ETNK2: variants seen among roughly 807,000 people sequenced by gnomAD.
ETNK2 encodes ethanolamine kinase 2, also known as ethanolamine kinase-like protein.
Under a neutral mutation model 46.2 loss-of-function variants are expected in ETNK2, and 33 were observed. That is an observed-to-expected ratio of 0.71 (90% CI 0.54 to 0.96). The LOEUF is 0.96. ETNK2 is among the 40% of genes least tolerant of loss of function. ETNK2 has a pLI of 0.00. For synonymous variants in ETNK2, 194 were observed against 209.0 expected (o/e 0.93, Z 0.62); for missense variants, 445 against 509.7 (o/e 0.87, Z 1.22).
Position 204,132,269 on chromosome 1 carries a change from C to G in ETNK2, c.1089-13G>C, listed in dbSNP as rs748524364. The stretch of plus-strand genomic sequence containing the variant: ...GATCACTGCGTACCTGTGGGGAAGA[C>G]AGAAGGAAGCTGGGTGTGAGGAAGA... On this transcript the variant is annotated splice_polypyrimidine_tract_variant and intron_variant, in intron 7 of 7. Transcript: ENST00000367202. The G allele has an allele frequency of 3.2e-6, 5 of 1,562,162 alleles. No homozygotes were observed. The African/African-American group carries it at 5.4e-5, about 17-fold the overall frequency.
In ETNK2 at chr1:204,151,727, C is replaced by G. The variant is rs1658012933; in HGVS notation, c.126G>C (p.Pro42=). The G allele has an allele frequency of 5.2e-6, 8 of 1,536,816 alleles. No homozygotes were observed. Among genetic ancestry groups the G allele is most frequent in the South Asian group, 2.4e-5 (2 of 82,696 alleles). The part of the protein sequence containing the change: ...KAAASASCRE[P]PGPPRAAAVA... Reference sequence around the variant, plus strand: ...CGGCGGCGGCCCTCGGGGGGCCCGGCGGCTCCCGGCAGCTGGCGCTGGCCG... The same window carrying G: ...CGGCGGCGGCCCTCGGGGGGCCCGGGGGCTCCCGGCAGCTGGCGCTGGCCG... Residue 42 remains proline, a synonymous_variant, in exon 1 of 8, where the codon CCG becomes CCC. Transcript: ENST00000367202. This position sits in a 1 kb window ranked among gnomAD's most constrained non-coding sequence, Gnocchi z 8.0.
chr1:204,133,632 C>T (rs1301644997), intron 7 of ETNK2, among the ~76,000 whole-genome samples: 3 of 151,322 alleles, frequency 2.0e-5, no homozygotes, highest in Non-Finnish European at 3.0e-5. Context: ...CCCGGGTTCA[C>T]GCCATTCTCC....
Position 204,141,315 on chromosome 1 carries a change from C to T in ETNK2, c.784G>A (p.Gly262Ser). 6.2e-7 allele frequency: 1 copy of T among 1,614,054 alleles called. No homozygotes were observed. The highest frequency in any genetic ancestry group is 8.5e-7 in the Non-Finnish European group (1 of 1,179,900). Residue 262 changes from glycine (G) to serine (S), a missense_variant and splice_region_variant, in exon 4 of 8, where the codon GGT becomes AGT. Gly to Ser is a moderately conservative substitution (Grantham distance 56, BLOSUM62 0). Transcript: ENST00000367202. ...TGCCCCAGGGCCAGAGAAGCCATACCTTTGATGCTGTCATAGATGATATTC... is the reference window on the plus strand; with the variant it reads ...TGCCCCAGGGCCAGAGAAGCCATACTTTTGATGCTGTCATAGATGATATTC... Reference protein sequence around the residue: ...CKNIIYDSIKGHVRFIDYEYA... With the variant: ...CKNIIYDSIKSHVRFIDYEYA...
intron 7 of ETNK2, among the ~76,000 whole-genome samples, chr1:204,133,591 G>A (rs1420173370): frequency 1.3e-5 from 2 of 150,824 alleles, no homozygotes; most frequent in Non-Finnish European, 1.5e-5. Context: ...GAGTGCAGTG[G>A]CGGGATCTCG....
intron 6 of ETNK2, 50 bp from the exon 7 acceptor site, chr1:204,134,638 T>C (rs1387856612): frequency 6.2e-7 from 1 of 1,614,010 alleles, no homozygotes; most frequent in Non-Finnish European, 8.5e-7. Context: ...CATGCCTGTT[T>C]CCGACTCTAC....
intron 3 of ETNK2, among the ~76,000 whole-genome samples, chr1:204,144,425 C>T (rs1657699968): frequency 6.7e-6 from 1 of 148,462 alleles, no homozygotes; most frequent in Non-Finnish European, 1.5e-5. Flanking sequence ...AAGTTGGGCA[C>T]TTCAGGGGAA....
chr1:204,147,115 G>A, intron 2 of ETNK2: 1 of 414,672 alleles, frequency 2.4e-6, no homozygotes, highest in South Asian at 1.9e-5. Context: ...GGCACCTGGG[G>A]ATGGGGGCGG....
At chr1:204,146,920 C>T in intron 2 of ETNK2, 156 bp from the exon 3 acceptor site, 1 of 881,068 alleles carries the variant, frequency 1.1e-6, no homozygotes. Context: ...AGCACAGGTC[C>T]TGCAGAAGGA....
At chr1:204,137,368 GTGCC>G (rs1429779149) in intron 5 of ETNK2, 119 bp from the exon 6 acceptor site, 2 of 1,337,656 alleles carry the variant, frequency 1.5e-6, no homozygotes, top group African/African-American at 3.0e-5. Flanking sequence ...CTTTGGGGCT[GTGCC>G]CAAGGAGGCG....
intron 5 of ETNK2, among the ~76,000 whole-genome samples, chr1:204,139,542 A>G (rs1657417263): frequency 6.6e-6 from 1 of 152,154 alleles, no homozygotes; most frequent in Admixed American, 6.5e-5. Flanking sequence ...AAGCTGTGAT[A>G]TTTTGGAGGA....
rs187640362 is a variant in ETNK2 at position 204,140,665 on chromosome 1, C to T, written c.785-547G>A. 3.8e-3 allele frequency among the ~76,000 whole-genome samples: 559 copies of T among 148,438 alleles called. 4 individuals carry two copies. Among genetic ancestry groups the T allele is most frequent in the African/African-American group, 0.013 (521 of 40,146 alleles). On this transcript the variant is annotated intron_variant, in intron 4 of 7. Coordinates refer to ENST00000367202, the MANE Select transcript of ETNK2 (RefSeq NM_018208.4). Reference sequence around the variant, plus strand: ...TCAGCCTCCTGAGTAGCTAGGATTACAGGCGCACACCACCATGCCCAGCTA... The same window carrying T: ...TCAGCCTCCTGAGTAGCTAGGATTATAGGCGCACACCACCATGCCCAGCTA...
rs537649234 is a variant in ETNK2, at chr1:204,151,212, G to T, written c.258+383C>A. 2.8e-5 allele frequency: 10 copies of T among 355,110 alleles called. No individual in the cohort carries two copies. Among genetic ancestry groups the T allele is most frequent in the Admixed American group, 9.6e-5 (2 of 20,844 alleles). The allele number at this position is 355,110 out of a possible 1,614,324, so 22.0% of individuals were successfully genotyped here. A position where few individuals can be genotyped will look rare whatever the true frequency, so the allele number is the denominator to read the frequency against. On this transcript the variant is annotated intron_variant, in intron 1 of 7. Transcript: ENST00000367202. This position sits in a 1 kb window ranked among gnomAD's most constrained non-coding sequence, Gnocchi z 8.0. The stretch of plus-strand genomic sequence containing the variant: ...AATGTATGCATGTATGGCTGGGTCG[G>T]GGGGGCGGGGGGTCTCTTAAAAGTT...
chr1:204,141,647 C>T, intron 3 of ETNK2, 190 bp from the exon 4 acceptor site: 1 of 612,304 alleles, frequency 1.6e-6, no homozygotes, highest in Non-Finnish European at 2.8e-6. Flanking sequence ...GTCCTTCTGA[C>T]TCCTCTGGTT....
Position 204,143,481 on chromosome 1 carries a change from G to A in ETNK2, c.642-2024C>T, listed in dbSNP as rs11240683. ...CCCTCCCCTGAGCACTTGAAACATC[G>A]CCAGCTTTGCTACCTTCAGTCCCGC... On this transcript the variant is annotated intron_variant, in intron 3 of 7. Transcript: ENST00000367202. Among the ~76,000 whole-genome samples, 7 of 151,230 alleles carry A rather than the reference G, an allele frequency of 4.6e-5. No individual in the cohort carries two copies. The East Asian group carries it at 9.9e-4, about 21-fold the overall frequency.
At chr1:204,139,591 A>C (rs906825328) in intron 5 of ETNK2, among the ~76,000 whole-genome samples, 4 of 152,092 alleles carry the variant, frequency 2.6e-5, no homozygotes, top group African/African-American at 4.8e-5. Flanking sequence ...GTATAGAACC[A>C]CCTCTGGCCT....
rs555182870 is a variant in ETNK2 at position 204,149,555 on chromosome 1, A to G, written c.518+148T>C. 2.3e-5 allele frequency: 23 copies of G among 1,001,022 alleles called. 2 individuals carry two copies. In the Admixed American group the frequency reaches 5.7e-4, roughly 25 times the overall value. The allele number at this position is 1,001,022 out of a possible 1,614,324, so 62.0% of individuals were successfully genotyped here. A position where few individuals can be genotyped will look rare whatever the true frequency, so the allele number is the denominator to read the frequency against. ...ACAGAAAGCGATAGCCCCTCTCTGCAGAGCAATGCATATAAACATGCATTT... is the reference window on the plus strand; with the variant it reads ...ACAGAAAGCGATAGCCCCTCTCTGCGGAGCAATGCATATAAACATGCATTT... On this transcript the variant is annotated intron_variant, in intron 2 of 7. Transcript: ENST00000367202.
intron 7 of ETNK2, among the ~76,000 whole-genome samples, 166 bp downstream of exon 7, chr1:204,134,349 T>C (rs1380579546): frequency 6.6e-6 from 1 of 152,144 alleles, no homozygotes; most frequent in Non-Finnish European, 1.5e-5. Flanking sequence ...TTTCCTGGCA[T>C]CCCCTGGGGA....
chr1:204,132,829 G>A (rs1657125651), intron 7 of ETNK2, among the ~76,000 whole-genome samples: 1 of 151,614 alleles, frequency 6.6e-6, no homozygotes, highest in South Asian at 2.1e-4. Flanking sequence ...TGTTTTTACC[G>A]TTCTATATTG....
rs1019201776 is a variant in ETNK2, at chr1:204,151,118, C to G, written c.258+477G>C. Reference sequence around the variant, plus strand: ...CTAGCTGGAATTCCACAGGGTGGCTCCTGGGACCCACAGGGGCAGCTCAGA... The same window carrying G: ...CTAGCTGGAATTCCACAGGGTGGCTGCTGGGACCCACAGGGGCAGCTCAGA... On this transcript the variant is annotated intron_variant, in intron 1 of 7. Coordinates refer to ENST00000367202, the MANE Select transcript of ETNK2 (RefSeq NM_018208.4). The surrounding 1 kb of genome is among the most constrained non-coding windows in gnomAD (Gnocchi z 8.0). 1 of 208,188 alleles carries G rather than the reference C, an allele frequency of 4.8e-6. No individual in the cohort carries two copies. Among genetic ancestry groups the G allele is most frequent in the Non-Finnish European group, 9.6e-6 (1 of 104,470 alleles). The allele number at this position is 208,188 out of a possible 1,614,324, so 12.9% of individuals were successfully genotyped here.
Sources: gnomAD v4.1 joint callset for allele counts (sites outside exome capture counted in the v4.1 genomes callset) on GRCh38, gnomAD v4.1.1 for gene constraint, Gnocchi (gnomAD v3.1) non-coding constraint, MANE v1.5 for transcripts, NCBI Gene and HGNC (gene_info 2026-07-23, HGNC 2026-07-21) for gene names.